The following CENPP variants were observed in gnomAD, a reference collection of about 807,000 sequenced individuals.
The protein encoded by CENPP is centromere protein P.
A neutral mutation model predicts 35.6 loss-of-function variants in CENPP; 24 were observed. That is an observed-to-expected ratio of 0.67 (90% CI 0.49 to 0.95). CENPP has a LOEUF of 0.95. CENPP is among the 40% of genes least tolerant of loss of function. CENPP has a pLI of 0.00. For synonymous variants in CENPP, 120 were observed against 125.5 expected, an observed-to-expected ratio of 0.96 and a Z score of 0.29; for missense variants, 332 against 345.3, an observed-to-expected ratio of 0.96 and a Z score of 0.31.
chr9:92,401,428 G>A (rs1456902167), intron 5 of CENPP, among the ~76,000 whole-genome samples: 1 of 151,908 alleles, frequency 6.6e-6, no homozygotes, highest in African/African-American at 2.4e-5. Flanking sequence ...TTTTTATATC[G>A]CCAGTAGCTA....
chr9:92,480,353 C>T (rs1485207915), intron 5 of CENPP, among the ~76,000 whole-genome samples: 1 of 152,210 alleles, frequency 6.6e-6, no homozygotes, highest in Non-Finnish European at 1.5e-5. Flanking sequence ...AAAGCAGAGG[C>T]AGTGAGCGTC....
intron 5 of CENPP, among the ~76,000 whole-genome samples, chr9:92,382,892 CTTTTTTTTTT>C (rs1213731251): frequency 1.4e-5 from 1 of 69,812 alleles, no homozygotes; most frequent in Non-Finnish European, 2.7e-5. Context: ...CACTGTTTTC[CTTTTTTTTTT>C]TTTTTTTTTT....
At chr9:92,393,220 A>G in intron 5 of CENPP, 1 of 1,604,364 alleles carries the variant, frequency 6.2e-7, no homozygotes, top group Non-Finnish European at 8.5e-7. Context: ...ACTTAAACAA[A>G]CACACAGCAG....
chr9:92,541,766 G>A (rs1849324828), intron 5 of CENPP, among the ~76,000 whole-genome samples: 1 of 151,882 alleles, frequency 6.6e-6, no homozygotes, highest in South Asian at 2.1e-4. Flanking sequence ...TGGGAGTTCA[G>A]TTGTCCCTGC....
chr9:92,510,886 G>C (rs892834135), intron 5 of CENPP, among the ~76,000 whole-genome samples: 10 of 152,272 alleles, frequency 6.6e-5, no homozygotes, highest in Admixed American at 1.3e-4. Context: ...TGTGAATGTA[G>C]AACCCTTTTA....
At chr9:92,415,359 G>A in intron 5 of CENPP, 2 of 1,613,364 alleles carry the variant, frequency 1.2e-6, no homozygotes, top group Non-Finnish European at 1.7e-6. Flanking sequence ...TATGAGGGAA[G>A]CAGAAGAAGA....
chr9:92,418,065 G>GT (rs1051193451), intron 5 of CENPP, among the ~76,000 whole-genome samples: 3 of 150,496 alleles, frequency 2.0e-5, no homozygotes, highest in South Asian at 2.1e-4. Flanking sequence ...AATGAAGTGA[G>GT]TTTTTTTTCT....
At chr9:92,609,463 G>C (rs936525845) in intron 5 of CENPP, among the ~76,000 whole-genome samples, 1 of 152,248 alleles carries the variant, frequency 6.6e-6, no homozygotes, top group Non-Finnish European at 1.5e-5. Flanking sequence ...TGTCAGGCCA[G>C]ATGCTTCTCA....
chr9:92,482,027 A>T (rs1298693139), intron 5 of CENPP, among the ~76,000 whole-genome samples: 1 of 152,092 alleles, frequency 6.6e-6, no homozygotes, highest in Non-Finnish European at 1.5e-5. Context: ...CATTTATGGT[A>T]AGGCATAATG....
At chr9:92,457,446 C>A (rs1844918007) in intron 5 of CENPP, 1 of 1,613,036 alleles carries the variant, frequency 6.2e-7, no homozygotes, top group African/African-American at 1.3e-5. Flanking sequence ...AAGTCATTTA[C>A]TCCCACTCTT....
intron 5 of CENPP, among the ~76,000 whole-genome samples, chr9:92,578,998 C>A (rs1850352887): frequency 6.6e-6 from 1 of 151,906 alleles, no homozygotes; most frequent in Non-Finnish European, 1.5e-5. Context: ...GGAAGGGATC[C>A]AGTTTCAGCT....
At chr9:92,546,796 TA>T (rs552815492) in intron 5 of CENPP, among the ~76,000 whole-genome samples, 1 of 152,162 alleles carries the variant, frequency 6.6e-6, no homozygotes, top group Non-Finnish European at 1.5e-5. Flanking sequence ...ATAATTTCTT[TA>T]AAAAAACAAT....
intron 5 of CENPP, among the ~76,000 whole-genome samples, chr9:92,582,239 G>A (rs887476010): frequency 6.6e-6 from 1 of 151,754 alleles, no homozygotes; most frequent in Admixed American, 6.6e-5. Flanking sequence ...TATTTTTTTT[G>A]TAAAGTTGGG....
chr9:92,471,642 A>G (rs1036134237), intron 5 of CENPP, among the ~76,000 whole-genome samples: 6 of 151,094 alleles, frequency 4.0e-5, no homozygotes, highest in African/African-American at 1.2e-4. Flanking sequence ...TTTGATTTCC[A>G]CATACTGATT....
chr9:92,368,353 CA>C (rs1376183369), intron 4 of CENPP, among the ~76,000 whole-genome samples: 1 of 152,114 alleles, frequency 6.6e-6, no homozygotes, highest in Non-Finnish European at 1.5e-5. Flanking sequence ...GAAAAAAATT[CA>C]AAATCTGAAA....
At chr9:92,589,086 G>C (rs1850609502) in intron 5 of CENPP, among the ~76,000 whole-genome samples, 1 of 152,048 alleles carries the variant, frequency 6.6e-6, no homozygotes, top group African/African-American at 2.4e-5. Flanking sequence ...CCAACAGTTT[G>C]GGAGGATGAG....
chr9:92,413,117 C>T (rs559587309), intron 5 of CENPP, among the ~76,000 whole-genome samples: 131 of 150,756 alleles, frequency 8.7e-4, no homozygotes, highest in African/African-American at 2.9e-3. Context: ...CGCAAGTAGC[C>T]GGGATTACAG....
At position 92,618,520 on chromosome 9, in the gene CENPP, TC is replaced by T; in HGVS notation, c.*5373del. 1 of 456,710 alleles carries T rather than the reference TC, an allele frequency of 2.2e-6. No individual in the cohort carries two copies. Among genetic ancestry groups the T allele is most frequent in the East Asian group, 6.9e-5 (1 of 14,392 alleles). The allele number at this position is 456,710 out of a possible 1,614,324, so 28.3% of individuals were successfully genotyped here. A position where few individuals can be genotyped will look rare whatever the true frequency, so the allele number is the denominator to read the frequency against. ...AGCACATTTCCATTGCCCAGCTGCATCCTTGGTCGGGGGGCTGCTGAACAGT... is the reference window on the plus strand; with the variant it reads ...AGCACATTTCCATTGCCCAGCTGCATCTTGGTCGGGGGGCTGCTGAACAGT... On this transcript the variant is annotated 3_prime_UTR_variant, in exon 8 of 8. Coordinates refer to ENST00000375587, the MANE Select transcript of CENPP (RefSeq NM_001012267.3).
intron 5 of CENPP, among the ~76,000 whole-genome samples, chr9:92,404,193 T>G (rs1843232027): frequency 6.6e-6 from 1 of 152,150 alleles, no homozygotes; most frequent in African/African-American, 2.4e-5. Context: ...TTCAGACTTT[T>G]TCTTAAGTAA....
Sources: gnomAD v4.1 joint callset for allele counts (sites outside exome capture counted in the v4.1 genomes callset) on GRCh38, gnomAD v4.1.1 for gene constraint, MANE v1.5 for transcripts, NCBI Gene and HGNC (gene_info 2026-07-23, HGNC 2026-07-21) for gene names.